Variants in PPM1H observed in about 807,000 individuals in gnomAD.
The protein encoded by PPM1H is protein phosphatase 1H.
A neutral mutation model predicts 54.9 loss-of-function variants in PPM1H; 27 were observed. The ratio of observed to expected loss-of-function variants is 0.49; its 90% CI spans 0.36 to 0.68. PPM1H has a LOEUF of 0.68. PPM1H is among the 30% of genes least tolerant of loss of function. PPM1H has a pLI of 0.00. For synonymous variants in PPM1H, 305 were observed against 270.8 expected (o/e 1.13, Z -1.24); for missense variants, 596 against 667.8 (o/e 0.89, Z 1.19).
intron 8 of PPM1H, among the ~76,000 whole-genome samples, chr12:62,687,416 C>T (rs981462348): frequency 3.9e-5 from 6 of 152,224 alleles, no homozygotes; most frequent in Non-Finnish European, 7.4e-5. Flanking sequence ...AGGCATGTGC[C>T]ACCACATCAA....
chr12:62,848,353 G>A (rs562505958), intron 1 of PPM1H, among the ~76,000 whole-genome samples: 10 of 152,236 alleles, frequency 6.6e-5, no homozygotes, highest in South Asian at 2.1e-4. Context: ...CCAAATCACC[G>A]TTAGATTCAG....
chr12:62,861,086 AAGAC>A (rs564019016), intron 1 of PPM1H, among the ~76,000 whole-genome samples: 33 of 152,336 alleles, frequency 2.2e-4, no homozygotes, highest in African/African-American at 7.2e-4. Flanking sequence ...ATTGGAAACT[AAGAC>A]AGGCAGTGAG....
At chr12:62,668,218 G>T (rs902099464) in intron 8 of PPM1H, among the ~76,000 whole-genome samples, 5 of 152,190 alleles carry the variant, frequency 3.3e-5, no homozygotes, top group African/African-American at 4.8e-5. Flanking sequence ...CAATGTGGGA[G>T]GGGAGGGATA....
chr12:62,727,637 A>ATAATATTAT (rs1555192229), intron 5 of PPM1H, among the ~76,000 whole-genome samples: 2 of 139,814 alleles, frequency 1.4e-5, no homozygotes, highest in Non-Finnish European at 3.1e-5. Flanking sequence ...TAAAATGCAA[A>ATAATATTAT]TATTATTATT....
At chr12:62,791,639 C>T (rs763249414) in intron 3 of PPM1H, among the ~76,000 whole-genome samples, 5 of 152,032 alleles carry the variant, frequency 3.3e-5, no homozygotes, top group South Asian at 2.1e-4. Context: ...TATTTGAAAA[C>T]GCCGGGCGTG....
chr12:62,788,285 C>A lies in PPM1H; in HGVS notation c.810G>T (p.Thr270=). The change falls in exon 4 of 10, where the codon ACG becomes ACT. Residue 270 remains threonine (T), a synonymous_variant. Transcript: ENST00000228705. Reference sequence around the variant, plus strand: ...CCAAAAGGCAAATCACAATGAGGGCCGTGCAGCCACCAGATATATTATATG... The same window carrying A: ...CCAAAAGGCAAATCACAATGAGGGCAGTGCAGCCACCAGATATATTATATG... ...RSSYNISGGC[T]ALIVICLLGK... 6.3e-7 allele frequency: 1 copy of A among 1,597,028 alleles called. No homozygotes were observed. Among genetic ancestry groups the A allele is most frequent in the Admixed American group, 1.7e-5 (1 of 57,656 alleles).
intron 2 of PPM1H, among the ~76,000 whole-genome samples, chr12:62,830,177 G>A (rs1379605008): frequency 6.6e-6 from 1 of 152,124 alleles, no homozygotes; most frequent in African/African-American, 2.4e-5. Context: ...ACGGACTACT[G>A]GAGTTCATAT....
chr12:62,910,991 G>A (rs532467266), intron 1 of PPM1H, among the ~76,000 whole-genome samples: 18 of 152,238 alleles, frequency 1.2e-4, no homozygotes, highest in Admixed American at 4.6e-4. Flanking sequence ...GGCAGGCTCC[G>A]CAAACTGGGA....
At chr12:62,899,363 G>C (rs984426255) in intron 1 of PPM1H, among the ~76,000 whole-genome samples, 6 of 151,946 alleles carry the variant, frequency 3.9e-5, no homozygotes, top group Non-Finnish European at 7.4e-5. Flanking sequence ...TTGAGGCCAG[G>C]AGTTTGAGAT....
At chr12:62,694,029 G>T in intron 6 of PPM1H, 30 bp from the exon 7 acceptor site, 2 of 1,591,244 alleles carry the variant, frequency 1.3e-6, no homozygotes, top group Non-Finnish European at 1.7e-6. Flanking sequence ...TTTTAAAAAA[G>T]GTTTGCACTC....
chr12:62,693,126 C>T (rs1272253272), intron 7 of PPM1H, among the ~76,000 whole-genome samples: 2 of 152,168 alleles, frequency 1.3e-5, no homozygotes, highest in Admixed American at 1.3e-4. Context: ...TATTAGTGTT[C>T]CGAGGAAGAA....
chr12:62,761,480 A>T (rs548001335), intron 4 of PPM1H, among the ~76,000 whole-genome samples: 2 of 152,328 alleles, frequency 1.3e-5, no homozygotes, highest in East Asian at 3.9e-4. Flanking sequence ...TCTACAAGAA[A>T]CATGACATAT....
chr12:62,908,938 G>A (rs970453342), intron 1 of PPM1H, among the ~76,000 whole-genome samples: 2 of 152,130 alleles, frequency 1.3e-5, no homozygotes, highest in African/African-American at 4.8e-5. Flanking sequence ...GTGGATTTGG[G>A]ATTGGAACTT....
Position 62,649,211 on chromosome 12 carries a change from T to A in PPM1H, c.1398-575A>T, listed in dbSNP as rs544285548. On this transcript the variant is annotated intron_variant, in intron 9 of 9. Coordinates refer to ENST00000228705, the MANE Select transcript of PPM1H (RefSeq NM_020700.2). Reference sequence around the variant, plus strand: ...TGTGAAGTTTTTTGGTTTTTTTTTTTAATTTATTTAATTTTTTTTTTTGTA... The same window carrying A: ...TGTGAAGTTTTTTGGTTTTTTTTTTAAATTTATTTAATTTTTTTTTTTGTA... Among the ~76,000 whole-genome samples the A allele has an allele frequency of 4.9e-3, 716 of 146,910 alleles. 2 individuals are homozygous for A. The highest frequency in any genetic ancestry group is 0.015 in the African/African-American group (595 of 39,890).
At chr12:62,659,997 T>A (rs2075874173) in intron 9 of PPM1H, among the ~76,000 whole-genome samples, 1 of 152,206 alleles carries the variant, frequency 6.6e-6, no homozygotes. Context: ...AGGCTACATA[T>A]GGAGAAATAG....
chr12:62,894,919 G>C (rs56654926), intron 1 of PPM1H, among the ~76,000 whole-genome samples: 3,978 of 152,298 alleles, frequency 0.026, 141 homozygotes, highest in African/African-American at 0.076. Context: ...AATTTTTATT[G>C]TTGGGGGCTG....
chr12:62,650,186 A>G (rs897265703), intron 9 of PPM1H, among the ~76,000 whole-genome samples: 2 of 152,228 alleles, frequency 1.3e-5, no homozygotes, highest in African/African-American at 4.8e-5. Context: ...GATTGTGAAG[A>G]TTCCAAGTTG....
At chr12:62,767,618 G>A (rs1361487076) in intron 4 of PPM1H, among the ~76,000 whole-genome samples, 1 of 152,178 alleles carries the variant, frequency 6.6e-6, no homozygotes. Flanking sequence ...TCAACTTCCA[G>A]TCTGGAGAAG....
At chr12:62,816,361 C>CA (rs1430991099) in intron 2 of PPM1H, among the ~76,000 whole-genome samples, 8 of 152,314 alleles carry the variant, frequency 5.3e-5, no homozygotes, top group Non-Finnish European at 1.0e-4. Context: ...AACTTTTGAG[C>CA]ACGGACGTGA....
Sources: allele counts gnomAD v4.1 joint callset (sites outside exome capture counted in the v4.1 genomes callset), GRCh38; gene constraint gnomAD v4.1.1; transcripts MANE v1.5; gene names NCBI Gene and HGNC (gene_info 2026-07-23, HGNC 2026-07-21).